Variants in ENTREP1 observed in about 807,000 individuals in gnomAD.
ENTREP1 encodes the protein endosomal transmembrane epsin interactor 1.
the ENTREP1 span, among the ~76,000 whole-genome samples, chr9:69,365,847 A>G: frequency 6.6e-6 from 1 of 152,166 alleles, no homozygotes; most frequent in South Asian, 2.1e-4. Flanking sequence ...TTGCTGCAAA[A>G]TAACAGGATT....
chr9:69,376,734 A>G, the ENTREP1 span, among the ~76,000 whole-genome samples: 71 of 152,296 alleles, frequency 4.7e-4, no homozygotes, highest in African/African-American at 1.6e-3. Context: ...GTCACCCCCA[A>G]ACTTTCTGAG....
the ENTREP1 span, chr9:69,385,687 C>T: frequency 2.8e-6 from 4 of 1,409,334 alleles, no homozygotes; most frequent in African/African-American, 4.4e-5. Context: ...TACCCTTGCC[C>T]TGGCAGGTTT....
At chr9:69,388,320 G>C in the ENTREP1 span, 1 of 1,614,198 alleles carries the variant, frequency 6.2e-7, no homozygotes, top group East Asian at 2.2e-5. Flanking sequence ...CTGGTGGCGA[G>C]GTTCCTGGAG....
the ENTREP1 span, among the ~76,000 whole-genome samples, chr9:69,389,550 C>T: frequency 1.8e-3 from 271 of 152,248 alleles, no homozygotes; most frequent in African/African-American, 6.0e-3. Flanking sequence ...TTGACGGTTC[C>T]GGGTGAGGCT....
the ENTREP1 span, chr9:69,325,836 C>T: frequency 8.3e-7 from 1 of 1,203,506 alleles, no homozygotes. Context: ...GGGGGAGCCT[C>T]ACGCCACCTG....
the ENTREP1 span, among the ~76,000 whole-genome samples, chr9:69,337,728 C>T: frequency 6.6e-6 from 1 of 152,056 alleles, no homozygotes; most frequent in African/African-American, 2.4e-5. Context: ...AATGGAGTTT[C>T]CAACTTTTAA....
the ENTREP1 span, among the ~76,000 whole-genome samples, chr9:69,333,184 G>A: frequency 1.3e-5 from 2 of 152,050 alleles, no homozygotes; most frequent in African/African-American, 2.4e-5. Context: ...ATATGTAAAC[G>A]TGCTAGATTG....
chr9:69,357,152 T>C, the ENTREP1 span, among the ~76,000 whole-genome samples: 1 of 149,274 alleles, frequency 6.7e-6, no homozygotes, highest in Non-Finnish European at 1.5e-5. Flanking sequence ...TGAGAGACAA[T>C]GTGCTAAAAG....
the ENTREP1 span, among the ~76,000 whole-genome samples, chr9:69,327,688 C>T: frequency 6.6e-6 from 1 of 152,026 alleles, no homozygotes; most frequent in Non-Finnish European, 1.5e-5. Flanking sequence ...GGTCTGCTGG[C>T]TGGGTATGTC....
chr9:69,342,650 A>T, the ENTREP1 span, among the ~76,000 whole-genome samples: 7 of 152,264 alleles, frequency 4.6e-5, no homozygotes, highest in African/African-American at 1.7e-4. Flanking sequence ...TTGTACGCTC[A>T]TCTGTACAAA....
At chr9:69,373,826 C>T in the ENTREP1 span, among the ~76,000 whole-genome samples, 4 of 152,106 alleles carry the variant, frequency 2.6e-5, no homozygotes, top group Non-Finnish European at 2.9e-5. Context: ...GTAGAAGTTA[C>T]AGTGAAAAAC....
At chr9:69,338,298 C>T in the ENTREP1 span, among the ~76,000 whole-genome samples, 5 of 152,090 alleles carry the variant, frequency 3.3e-5, no homozygotes, top group Admixed American at 2.0e-4. Context: ...GGTGTTTATA[C>T]GAATATTTGG....
chr9:69,382,144 G>T, the ENTREP1 span: 1 of 152,320 alleles, frequency 6.6e-6, no homozygotes, highest in Non-Finnish European at 1.5e-5. Context: ...ATTAAAGATG[G>T]AAGGCTGGCC....
chr9:69,340,552 T>C, the ENTREP1 span, among the ~76,000 whole-genome samples: 1 of 152,052 alleles, frequency 6.6e-6, no homozygotes, highest in African/African-American at 2.4e-5. Context: ...TATTTGTAGC[T>C]ATTTATGGCT....
chr9:69,367,694 CATAT>C, the ENTREP1 span, among the ~76,000 whole-genome samples: 6 of 94,206 alleles, frequency 6.4e-5, no homozygotes, highest in African/African-American at 1.5e-4. Flanking sequence ...TATATATACA[CATAT>C]ATATAAATAT....
the ENTREP1 span, among the ~76,000 whole-genome samples, chr9:69,362,180 A>C: frequency 6.6e-6 from 1 of 152,220 alleles, no homozygotes; most frequent in African/African-American, 2.4e-5. Context: ...AGTAAGGAGC[A>C]AAATAAAAGT....
At chr9:69,378,990 A>T in the ENTREP1 span, among the ~76,000 whole-genome samples, 6 of 152,094 alleles carry the variant, frequency 3.9e-5, no homozygotes, top group Non-Finnish European at 7.3e-5. Context: ...GCAGTCAGAG[A>T]TGGCTTCCTG....
At chr9:69,328,841 A>G in the ENTREP1 span, among the ~76,000 whole-genome samples, 23 of 152,126 alleles carry the variant, frequency 1.5e-4, no homozygotes, top group Admixed American at 2.0e-4. Flanking sequence ...ATGTTTATCA[A>G]CCCTAAAGTT....
chr9:69,352,556 T>G, the ENTREP1 span, among the ~76,000 whole-genome samples: 1 of 152,218 alleles, frequency 6.6e-6, no homozygotes, highest in Admixed American at 6.5e-5. Context: ...ACTAATCACA[T>G]GAGGTGTTAT....
Sources: allele counts gnomAD v4.1 joint callset (sites outside exome capture counted in the v4.1 genomes callset), GRCh38; gene constraint gnomAD v4.1.1; transcripts MANE v1.5; gene names NCBI Gene and HGNC (gene_info 2026-07-23, HGNC 2026-07-21).